The following CPNE4 variants were observed in gnomAD, a reference collection of about 807,000 sequenced individuals.
CPNE4 encodes copine 4, also known as copine-4.
A neutral mutation model predicts 67.9 loss-of-function variants in CPNE4; 25 were observed. The ratio of observed to expected loss-of-function variants is 0.37; its 90% CI spans 0.27 to 0.51. The LOEUF is 0.51. CPNE4 is among the 20% of genes least tolerant of loss of function. CPNE4 has a pLI of 0.93. For synonymous variants in CPNE4, 242 were observed against 244.9 expected, an observed-to-expected ratio of 0.99 and a Z score of 0.11; for missense variants, 464 against 690.8, an observed-to-expected ratio of 0.67 and a Z score of 3.68.
intron 2 of CPNE4, among the ~76,000 whole-genome samples, chr3:131,746,877 C>T (rs1021865808): frequency 2.0e-5 from 3 of 152,148 alleles, no homozygotes; most frequent in African/African-American, 7.2e-5. Flanking sequence ...TATTAACTTA[C>T]ATTCTCACCA....
chr3:131,546,816 C>T (rs1302360878), intron 14 of CPNE4, among the ~76,000 whole-genome samples: 1 of 152,042 alleles, frequency 6.6e-6, no homozygotes, highest in Non-Finnish European at 1.5e-5. Flanking sequence ...CCCAGGGAGC[C>T]CTTAGGGATG....
rs571108779 is a variant in CPNE4, at chr3:131,968,035, G to A, written c.-1-62591C>T. Among the ~76,000 whole-genome samples the A allele has an allele frequency of 6.0e-4, 91 of 152,100 alleles. No homozygotes were observed. The Middle Eastern group carries it at 0.01, about 17-fold the overall frequency. On this transcript the variant is annotated intron_variant, in intron 1 of 15. Coordinates refer to ENST00000429747, the MANE Select transcript of CPNE4 (RefSeq NM_130808.3). ...ATATAGACCAACGGAACAGAACAGCGGCCTCAGAAATAACACCACACATCT... is the reference window on the plus strand; with the variant it reads ...ATATAGACCAACGGAACAGAACAGCAGCCTCAGAAATAACACCACACATCT...
intron 1 of CPNE4, among the ~76,000 whole-genome samples, chr3:131,934,965 G>A (rs1418137315): frequency 1.3e-5 from 2 of 152,182 alleles, no homozygotes; most frequent in African/African-American, 4.8e-5. Flanking sequence ...TGAACAGAAA[G>A]ATGTCATTTG....
At chr3:131,776,395 G>C (rs867507522) in intron 2 of CPNE4, among the ~76,000 whole-genome samples, 3 of 152,098 alleles carry the variant, frequency 2.0e-5, no homozygotes, top group Non-Finnish European at 4.4e-5. Context: ...TCCTTTCACT[G>C]TCTGAGGAAC....
intron 4 of CPNE4, among the ~76,000 whole-genome samples, chr3:131,698,871 T>C (rs2107700974): frequency 7.1e-6 from 1 of 141,098 alleles, no homozygotes; most frequent in African/African-American, 2.6e-5. Flanking sequence ...TATCGTGCCA[T>C]TGCACTCCAG....
At chr3:131,910,235 A>T (rs976516724) in intron 1 of CPNE4, among the ~76,000 whole-genome samples, 1 of 152,142 alleles carries the variant, frequency 6.6e-6, no homozygotes, top group Non-Finnish European at 1.5e-5. Context: ...GTTCTGGGGA[A>T]GGGGGGAGAA....
rs756290968 is a variant in CPNE4 at position 131,991,013 on chromosome 3, C to T, written c.-2+43554G>A. On this transcript the variant is annotated intron_variant, in intron 1 of 15. Coordinates refer to ENST00000429747, the MANE Select transcript of CPNE4 (RefSeq NM_130808.3). ...AAAAATATGTTTGCTTCCCCTTCCA[C>T]CGTGATTGTAAGTTTCCTGAGGCCT... Among the ~76,000 whole-genome samples the T allele has an allele frequency of 8.1e-5, 11 of 136,248 alleles. 1 individual carries two copies. Among genetic ancestry groups the T allele is most frequent in the Admixed American group, 3.3e-4 (4 of 12,022 alleles). 89.4% of individuals were successfully genotyped at this position (136,248 alleles called of 152,430 possible). A position where few individuals can be genotyped will look rare whatever the true frequency, so the allele number is the denominator to read the frequency against.
chr3:131,679,926 T>C (rs991059670), intron 6 of CPNE4, among the ~76,000 whole-genome samples: 1 of 152,214 alleles, frequency 6.6e-6, no homozygotes, highest in South Asian at 2.1e-4. Context: ...GAGAGTTCTG[T>C]AGATATCTAT....
intron 2 of CPNE4, among the ~76,000 whole-genome samples, chr3:131,742,242 T>C (rs151260645): frequency 2.6e-4 from 39 of 152,276 alleles, no homozygotes; most frequent in African/African-American, 8.9e-4. Flanking sequence ...AATACAACAA[T>C]AAGGCTGGAT....
chr3:132,023,860 T>G (rs1010226473), intron 1 of CPNE4, among the ~76,000 whole-genome samples: 2 of 152,140 alleles, frequency 1.3e-5, no homozygotes, highest in Non-Finnish European at 2.9e-5. Flanking sequence ...CCCTTGGGTT[T>G]AAAACAAATG....
intron 2 of CPNE4, among the ~76,000 whole-genome samples, chr3:131,900,409 C>T (rs1253601839): frequency 2.6e-5 from 4 of 152,092 alleles, no homozygotes; most frequent in Admixed American, 6.6e-5. Flanking sequence ...TAAATTAGTA[C>T]AACCACCACT....
Position 131,990,545 on chromosome 3 carries a change from G to A in CPNE4, c.-2+44022C>T, listed in dbSNP as rs752070185. ...TTCAAGTACATATTCAATAAAATAC[G>A]TAAGACAAATGTTATATGACTTGAC... On this transcript the variant is annotated intron_variant, in intron 1 of 15. Coordinates refer to ENST00000429747, the MANE Select transcript of CPNE4 (RefSeq NM_130808.3). 1.8e-4 allele frequency among the ~76,000 whole-genome samples: 25 copies of A among 135,466 alleles called. 2 individuals are homozygous for A. Among genetic ancestry groups the A allele is most frequent in the African/African-American group, 5.2e-4 (21 of 40,540 alleles). 88.9% of individuals were successfully genotyped at this position (135,466 alleles called of 152,430 possible).
chr3:131,637,064 C>T (rs1228994031), intron 7 of CPNE4, among the ~76,000 whole-genome samples: 2 of 152,158 alleles, frequency 1.3e-5, no homozygotes, highest in Non-Finnish European at 2.9e-5. Flanking sequence ...CAGATCTTTC[C>T]TCTGACATAG....
chr3:131,865,174 TG>T (rs2086879444), intron 2 of CPNE4, among the ~76,000 whole-genome samples: 1 of 152,152 alleles, frequency 6.6e-6, no homozygotes, highest in African/African-American at 2.4e-5. Flanking sequence ...CCCTTTTTTT[TG>T]TTGTGTCTCT....
Position 132,019,741 on chromosome 3 carries a change from C to CT in CPNE4, c.-2+14825dup, listed in dbSNP as rs2073953438. Among the ~76,000 whole-genome samples, 9 of 152,242 alleles carry CT rather than the reference C, an allele frequency of 5.9e-5. 1 individual carries two copies. In the South Asian group the frequency reaches 1.9e-3, roughly 32 times the overall value. ...TGCAGATCAAAAAGCAATCCCTCTGCTTTTTGTTTTTGAGTAATGGTTCTC... is the reference window on the plus strand; with the variant it reads ...TGCAGATCAAAAAGCAATCCCTCTGCTTTTTTGTTTTTGAGTAATGGTTCTC... On this transcript the variant is annotated intron_variant, in intron 1 of 15. Transcript: ENST00000429747.
chr3:131,994,602 C>A lies in CPNE4; in HGVS notation c.-2+39965G>T, dbSNP rs144407143. Among the ~76,000 whole-genome samples, 529 of 152,238 alleles carry A rather than the reference C, an allele frequency of 3.5e-3. 1 individual carries two copies. Among genetic ancestry groups the A allele is most frequent in the Admixed American group, 6.7e-3 (103 of 15,296 alleles). On this transcript the variant is annotated intron_variant, in intron 1 of 15. Coordinates refer to ENST00000429747, the MANE Select transcript of CPNE4 (RefSeq NM_130808.3). ...TCAGGTAACATAAATTAATTAAATT[C>A]TTTTGAAGGTTTGTGTATTTCTTTG...
intron 1 of CPNE4, among the ~76,000 whole-genome samples, chr3:131,912,367 C>A (rs989301713): frequency 6.6e-6 from 1 of 152,028 alleles, no homozygotes; most frequent in Non-Finnish European, 1.5e-5. Context: ...CTGAGCAGAG[C>A]TTGTCTTAAG....
chr3:131,763,709 C>A (rs536917657), intron 2 of CPNE4, among the ~76,000 whole-genome samples: 5 of 152,128 alleles, frequency 3.3e-5, no homozygotes, highest in African/African-American at 1.2e-4. Flanking sequence ...TTCTCCTACA[C>A]TGTGTAGGGG....
intron 2 of CPNE4, among the ~76,000 whole-genome samples, chr3:131,754,503 G>A (rs4854836): frequency 0.23 from 35,365 of 152,022 alleles, 4,772 homozygotes; most frequent in South Asian, 0.31. Context: ...TATACCTTAA[G>A]TCACATACCA....
Sources: gnomAD v4.1 joint callset for allele counts (sites outside exome capture counted in the v4.1 genomes callset) on GRCh38, gnomAD v4.1.1 for gene constraint, MANE v1.5 for transcripts, NCBI Gene and HGNC (gene_info 2026-07-23, HGNC 2026-07-21) for gene names.